KIRREL3: variants seen among roughly 807,000 people sequenced by gnomAD.
KIRREL3 encodes kirre like nephrin family adhesion molecule 3, also known as kin of IRRE-like protein 3.
A neutral mutation model predicts 89.7 loss-of-function variants in KIRREL3; 36 were observed. The observed-to-expected ratio is 0.40, with a 90% CI of 0.31 to 0.53. The LOEUF (loss-of-function observed/expected upper bound fraction) is 0.53, where lower values mean the gene tolerates loss of function less well. Among genes scored for constraint, KIRREL3 ranks in the 20% least tolerant of loss-of-function variants. The probability of loss-of-function intolerance (pLI) is 0.49; values close to 1 mark genes in which losing one functional copy is unlikely to be tolerated. For synonymous variants in KIRREL3, 445 were observed against 441.4 expected (o/e 1.01, Z -0.10); for missense variants, 864 against 1,056.6 (o/e 0.82, Z 2.53).
Position 126,639,117 on chromosome 11 carries a change from C to A in KIRREL3, c.56-76205G>T, listed in dbSNP as rs562334818. Among the ~76,000 whole-genome samples the A allele has an allele frequency of 1.3e-5, 2 of 152,286 alleles. No homozygotes were observed. The highest frequency in any genetic ancestry group is 1.3e-4 in the Admixed American group (2 of 15,308). ...GTTTCTTCATGACTTGGCCAGCCCCCCAATCATCCCAAAGCCCAGTTAAGA... is the reference window on the plus strand; with the variant it reads ...GTTTCTTCATGACTTGGCCAGCCCCACAATCATCCCAAAGCCCAGTTAAGA... On this transcript the variant is annotated intron_variant, in intron 1 of 16. Coordinates refer to ENST00000525144, the MANE Select transcript of KIRREL3 (RefSeq NM_032531.4). This position sits in a 1 kb window ranked among gnomAD's most constrained non-coding sequence, Gnocchi z 4.3.
At chr11:126,893,275 A>AT (rs1945997835) in intron 1 of KIRREL3, among the ~76,000 whole-genome samples, 1 of 152,170 alleles carries the variant, frequency 6.6e-6, no homozygotes, top group African/African-American at 2.4e-5. Flanking sequence ...TCATGCATTG[A>AT]TTTTATCCAG....
rs1015571766 is a variant in KIRREL3, at chr11:126,708,282, A to T, written c.56-145370T>A. On this transcript the variant is annotated intron_variant, in intron 1 of 16. Transcript: ENST00000525144. This position sits in a 1 kb window ranked among gnomAD's most constrained non-coding sequence, Gnocchi z 5.7. ...ATGAGGATGTGAAGTCGAGCATCTG[A>T]GAAGGCTCAGAAAGTCTGAATAAGC... 1.3e-5 allele frequency among the ~76,000 whole-genome samples: 2 copies of T among 152,192 alleles called. No individual in the cohort carries two copies. Among genetic ancestry groups the T allele is most frequent in the Non-Finnish European group, 2.9e-5 (2 of 68,030 alleles).
Position 126,492,876 on chromosome 11 carries a change from G to C in KIRREL3, c.434-19410C>G, listed in dbSNP as rs77708645. Among the ~76,000 whole-genome samples the C allele has an allele frequency of 8.2e-3, 1,254 of 152,234 alleles. 22 individuals carry two copies. Among genetic ancestry groups the C allele is most frequent in the African/African-American group, 0.028 (1,177 of 41,530 alleles). On this transcript the variant is annotated intron_variant, in intron 4 of 16. Coordinates refer to ENST00000525144, the MANE Select transcript of KIRREL3 (RefSeq NM_032531.4). This position sits in a 1 kb window ranked among gnomAD's most constrained non-coding sequence, Gnocchi z 4.8. ...GACCTCCAGGCAGATGGCAAGGTTG[G>C]TCTCCAGAAAAGACAGACCAGGGGA...
chr11:126,424,947 C>A lies in KIRREL3; in HGVS notation c.1970G>T (p.Cys657Phe). 1 of 1,595,578 alleles carries A rather than the reference C, an allele frequency of 6.3e-7. No homozygotes were observed. Among genetic ancestry groups the A allele is most frequent in the Non-Finnish European group, 8.6e-7 (1 of 1,167,894 alleles). The change falls in exon 17 of 17, where the codon TGC (cysteine) becomes TTC (phenylalanine). Residue 657 changes from cysteine (C) to phenylalanine (F), a missense_variant. Cys to Phe is a radical substitution (Grantham distance 205). Coordinates refer to ENST00000525144, the MANE Select transcript of KIRREL3 (RefSeq NM_032531.4). ...GCCCGCAGGACGCAGGTCGGGCTGG[C>A]AGCTGGAGAGGGAGATGGTCGGGGT... ...HSTPTISLSS[C>F]QPDLRPAGKQ...
In KIRREL3 at chr11:126,553,286, T is replaced by G. The variant is rs1390752607; in HGVS notation, c.133+9549A>C. Among the ~76,000 whole-genome samples the G allele has an allele frequency of 6.6e-6, 1 of 152,136 alleles. No homozygotes were observed. The highest frequency in any genetic ancestry group is 1.5e-5 in the Non-Finnish European group (1 of 68,042). On this transcript the variant is annotated intron_variant, in intron 2 of 16. Transcript: ENST00000525144. The surrounding 1 kb of genome is among the most constrained non-coding windows in gnomAD (Gnocchi z 4.7). Reference sequence around the variant, plus strand: ...TTCCATTTTTTTTTAAATGACACTCTGAGCACTTCTATCTTCTACTGAGTA... The same window carrying G: ...TTCCATTTTTTTTTAAATGACACTCGGAGCACTTCTATCTTCTACTGAGTA...
At chr11:126,922,136 TATC>T (rs1172626994) in intron 1 of KIRREL3, among the ~76,000 whole-genome samples, 7 of 150,906 alleles carry the variant, frequency 4.6e-5, no homozygotes, top group African/African-American at 7.3e-5. Context: ...TCTATCTATC[TATC>T]TATCTATCTA....
intron 1 of KIRREL3, among the ~76,000 whole-genome samples, chr11:126,832,552 C>G (rs76301728): frequency 0.013 from 2,044 of 152,262 alleles, 48 homozygotes; most frequent in African/African-American, 0.047. Flanking sequence ...CAAAACCACT[C>G]AGAGCTAGTG....
intron 1 of KIRREL3, among the ~76,000 whole-genome samples, chr11:126,597,058 C>T (rs1386895043): frequency 6.6e-6 from 1 of 152,214 alleles, no homozygotes; most frequent in Non-Finnish European, 1.5e-5. Flanking sequence ...AGACAGACCT[C>T]TCAGAAATTC....
intron 1 of KIRREL3, among the ~76,000 whole-genome samples, chr11:126,701,205 G>A (rs1947300356): frequency 6.6e-6 from 1 of 152,170 alleles, no homozygotes; most frequent in Non-Finnish European, 1.5e-5. Context: ...TGCGTGATTG[G>A]TGTGTGTTTG....
rs1956885562 is a variant in KIRREL3 at position 126,471,339 on chromosome 11, C to T, written c.591+1970G>A. On this transcript the variant is annotated intron_variant, in intron 5 of 16. Coordinates refer to ENST00000525144, the MANE Select transcript of KIRREL3 (RefSeq NM_032531.4). This position sits in a 1 kb window ranked among gnomAD's most constrained non-coding sequence, Gnocchi z 5.4. The stretch of plus-strand genomic sequence containing the variant: ...GAGCTGAGATCACGCCATTGCACTC[C>T]AGTCTGGGCAACAAGAGTGAAACTC... Among the ~76,000 whole-genome samples the T allele has an allele frequency of 6.6e-6, 1 of 151,794 alleles. No homozygotes were observed. Among genetic ancestry groups the T allele is most frequent in the Non-Finnish European group, 1.5e-5 (1 of 67,976 alleles).
At chr11:126,560,342 G>T (rs1402002470) in intron 2 of KIRREL3, among the ~76,000 whole-genome samples, 1 of 152,140 alleles carries the variant, frequency 6.6e-6, no homozygotes, top group Non-Finnish European at 1.5e-5. Flanking sequence ...AAAGACTGCA[G>T]ATTCTATCCA....
intron 8 of KIRREL3, among the ~76,000 whole-genome samples, chr11:126,447,822 C>T (rs970805306): frequency 3.3e-5 from 5 of 152,156 alleles, no homozygotes; most frequent in Non-Finnish European, 5.9e-5. Flanking sequence ...GCACTTTCTT[C>T]GGAGGCTTCA....
chr11:126,972,694 G>A (rs1949460736), intron 1 of KIRREL3, among the ~76,000 whole-genome samples: 1 of 152,096 alleles, frequency 6.6e-6, no homozygotes, highest in African/African-American at 2.4e-5. Flanking sequence ...GGCTTCTGTT[G>A]CTTGCCATTA....
In KIRREL3 at chr11:126,685,732, C is replaced by T. The variant is rs1328220829; in HGVS notation, c.56-122820G>A. Among the ~76,000 whole-genome samples the T allele has an allele frequency of 2.6e-5, 4 of 152,220 alleles. No individual in the cohort carries two copies. Among genetic ancestry groups the T allele is most frequent in the African/African-American group, 7.2e-5 (3 of 41,452 alleles). On this transcript the variant is annotated intron_variant, in intron 1 of 16. Transcript: ENST00000525144. This position sits in a 1 kb window ranked among gnomAD's most constrained non-coding sequence, Gnocchi z 5.5. ...TCTCATTTTGAGATCTTGCCTATGACGGCAAATGTCTCCCCACCGTCGGCA... is the reference window on the plus strand; with the variant it reads ...TCTCATTTTGAGATCTTGCCTATGATGGCAAATGTCTCCCCACCGTCGGCA...
Position 126,653,829 on chromosome 11 carries a change from T to C in KIRREL3, c.56-90917A>G, listed in dbSNP as rs1175591278. ...CCCCTGGCACTTTTTTTGTCTCTGGTGCTATCAAACAGAAAATGTCACCTT... is the reference window on the plus strand; with the variant it reads ...CCCCTGGCACTTTTTTTGTCTCTGGCGCTATCAAACAGAAAATGTCACCTT... On this transcript the variant is annotated intron_variant, in intron 1 of 16. Transcript: ENST00000525144. This position sits in a 1 kb window ranked among gnomAD's most constrained non-coding sequence, Gnocchi z 5.4. 2.6e-5 allele frequency among the ~76,000 whole-genome samples: 4 copies of C among 152,168 alleles called. No homozygotes were observed. The highest frequency in any genetic ancestry group is 9.7e-5 in the African/African-American group (4 of 41,444).
chr11:126,977,516 C>T lies in KIRREL3; in HGVS notation c.55+22939G>A, dbSNP rs541682276. Among the ~76,000 whole-genome samples, 8 of 152,310 alleles carry T rather than the reference C, an allele frequency of 5.3e-5. No homozygotes were observed. The highest frequency in any genetic ancestry group is 3.9e-4 in the East Asian group (2 of 5,188). On this transcript the variant is annotated intron_variant, in intron 1 of 16. Coordinates refer to ENST00000525144, the MANE Select transcript of KIRREL3 (RefSeq NM_032531.4). This position sits in a 1 kb window ranked among gnomAD's most constrained non-coding sequence, Gnocchi z 4.7. ...CCTAAGATTAGCATCCACTTTCTTT[C>T]GAGATTCCCATTATATTAATTCAAT...
Position 126,553,263 on chromosome 11 carries a change from C to T in KIRREL3, c.133+9572G>A, listed in dbSNP as rs1194208045. Among the ~76,000 whole-genome samples, 1 of 140,374 alleles carries T rather than the reference C, an allele frequency of 7.1e-6. No individual in the cohort carries two copies. The highest frequency in any genetic ancestry group is 1.5e-5 in the Non-Finnish European group (1 of 65,192). 92.1% of individuals were successfully genotyped at this position (140,374 alleles called of 152,430 possible). On this transcript the variant is annotated intron_variant, in intron 2 of 16. Coordinates refer to ENST00000525144, the MANE Select transcript of KIRREL3 (RefSeq NM_032531.4). The surrounding 1 kb of genome is among the most constrained non-coding windows in gnomAD (Gnocchi z 4.7). ...CCAAATGCATACAATATCTTCTGTT[C>T]CATTTTTTTTTAAATGACACTCTGA...
chr11:126,692,828 T>G (rs549962673), intron 1 of KIRREL3, among the ~76,000 whole-genome samples: 1 of 152,212 alleles, frequency 6.6e-6, no homozygotes, highest in Admixed American at 6.5e-5. Flanking sequence ...TGTTGATTAC[T>G]AGGGACAGGT....
intron 1 of KIRREL3, among the ~76,000 whole-genome samples, chr11:126,921,398 T>TCTAC (rs55868730): frequency 0.076 from 6,011 of 78,598 alleles, 188 homozygotes; most frequent in Middle Eastern, 0.17. Flanking sequence ...CTTGTATCTA[T>TCTAC]CTATCTATCT....
Sources: gnomAD v4.1 joint callset for allele counts (sites outside exome capture counted in the v4.1 genomes callset) on GRCh38, gnomAD v4.1.1 for gene constraint, Gnocchi (gnomAD v3.1) non-coding constraint, MANE v1.5 for transcripts, NCBI Gene and HGNC (gene_info 2026-07-23, HGNC 2026-07-21) for gene names.